Variants in NBL1 observed in about 807,000 individuals in gnomAD.
NBL1 encodes the protein neuroblastoma suppressor of tumorigenicity 1.
In NBL1, 9 loss-of-function variants were observed where a neutral mutation model predicts 16.0. The observed-to-expected ratio is 0.56, with a 90% CI of 0.34 to 0.98. The LOEUF (loss-of-function observed/expected upper bound fraction) is 0.98, where lower values mean the gene tolerates loss of function less well. Ranked by LOEUF, NBL1 falls within the 50% of genes least tolerant of loss-of-function variation. The pLI, the probability that NBL1 is intolerant of heterozygous loss-of-function variation, is 0.02. For synonymous variants in NBL1, 86 were observed against 100.7 expected (o/e 0.85, Z 0.87); for missense variants, 196 against 243.1 (o/e 0.81, Z 1.29).
chr1:19,651,435 C>T (rs1383955579), intron 1 of NBL1, among the ~76,000 whole-genome samples: 1 of 152,212 alleles, frequency 6.6e-6, no homozygotes, highest in Non-Finnish European at 1.5e-5. Context: ...TCTCATTTCT[C>T]CTAACCTCTG....
upstream of NBL1, chr1:19,643,337 C>G: frequency 6.2e-7 from 1 of 1,614,032 alleles, no homozygotes; most frequent in Non-Finnish European, 8.5e-7. This position sits in a 1 kb window ranked among gnomAD's most constrained non-coding sequence, Gnocchi z 4.7. Context: ...ATGAGTCAGA[C>G]AAGCAGGGCT....
chr1:19,656,358 G>T (rs2095056237), intron 3 of NBL1, among the ~76,000 whole-genome samples: 1 of 139,270 alleles, frequency 7.2e-6, no homozygotes, highest in African/African-American at 2.6e-5. Flanking sequence ...TCTGAGCTCA[G>T]ACCCAAAGGC....
chr1:19,644,115 C>T, upstream of NBL1: 1 of 973,766 alleles, frequency 1.0e-6, no homozygotes, highest in Non-Finnish European at 1.2e-6. This position sits in a 1 kb window ranked among gnomAD's most constrained non-coding sequence, Gnocchi z 4.6. Context: ...CAGCCCGGGG[C>T]GGGCGGGCCA....
In NBL1 at chr1:19,657,882, C is replaced by T. The variant is rs1259832810; in HGVS notation, c.*753C>T. On this transcript the variant is annotated 3_prime_UTR_variant, in exon 4 of 4. Coordinates refer to ENST00000375136, the MANE Select transcript of NBL1 (RefSeq NM_005380.8). ...GGGGGACAACCCCCCAAGACCATCC[C>T]TGAAGACGAGCATCCCCCTCCTCTC... 6.5e-5 allele frequency: 10 copies of T among 152,776 alleles called. No homozygotes were observed. Among genetic ancestry groups the T allele is most frequent in the Non-Finnish European group, 1.5e-4 (10 of 68,136 alleles). The allele number at this position is 152,776 out of a possible 1,614,324, so 9.5% of individuals were successfully genotyped here. A position where few individuals can be genotyped will look rare whatever the true frequency, so the allele number is the denominator to read the frequency against.
At chr1:19,643,967 C>G, upstream of NBL1, 1 of 985,606 alleles carries the variant, frequency 1.0e-6, no homozygotes, top group Non-Finnish European at 1.2e-6. The surrounding 1 kb of genome is among the most constrained non-coding windows in gnomAD (Gnocchi z 4.7). Context: ...AAAAGTCGGG[C>G]GGAGAGAGTG....
intron 1 of NBL1, chr1:19,645,960 C>T: frequency 1.3e-6 from 2 of 1,550,560 alleles, no homozygotes; most frequent in Non-Finnish European, 1.7e-6. Context: ...GATGTGCAGC[C>T]TGGCCCTGCA....
At position 19,648,648 on chromosome 1, in the gene NBL1, G is replaced by A. The variant is rs555368059; in HGVS notation, c.-20+4202G>A. Among the ~76,000 whole-genome samples the A allele has an allele frequency of 1.9e-3, 284 of 152,176 alleles. 3 individuals carry two copies. The highest frequency in any genetic ancestry group is 6.6e-3 in the African/African-American group (272 of 41,502). On this transcript the variant is annotated intron_variant, in intron 1 of 3. Coordinates refer to ENST00000375136, the MANE Select transcript of NBL1 (RefSeq NM_005380.8). ...CCTTGACCTGTGCCTCAGTTTCCAC[G>A]GTGCCAAAATGGGTCTGCTGTTGTC...
At chr1:19,650,565 T>C (rs1390080404) in intron 1 of NBL1, among the ~76,000 whole-genome samples, 1 of 152,096 alleles carries the variant, frequency 6.6e-6, no homozygotes, top group Non-Finnish European at 1.5e-5. Flanking sequence ...CTGGGGGCCT[T>C]GGGACAGCCC....
chr1:19,647,563 G>A (rs1264893674), intron 1 of NBL1: 16 of 980,264 alleles, frequency 1.6e-5, no homozygotes, highest in Non-Finnish European at 1.8e-5. Context: ...GAGGAAAGGT[G>A]GGAGAGGCAG....
At chr1:19,645,614 T>C (rs1483438781) in intron 1 of NBL1, 2 of 1,069,390 alleles carry the variant, frequency 1.9e-6, no homozygotes, top group Admixed American at 9.7e-5. Flanking sequence ...TACTGCGGAA[T>C]GGGGCCTCCC....
rs187792325 is a variant in NBL1, at chr1:19,653,672, C to T, written c.-19-1340C>T. 3.7e-4 allele frequency among the ~76,000 whole-genome samples: 57 copies of T among 152,352 alleles called. 1 individual carries two copies. The highest frequency in any genetic ancestry group is 1.2e-3 in the African/African-American group (50 of 41,582). On this transcript the variant is annotated intron_variant, in intron 1 of 3. Coordinates refer to ENST00000375136, the MANE Select transcript of NBL1 (RefSeq NM_005380.8). The stretch of plus-strand genomic sequence containing the variant: ...GAAACAGGTCTGAGTGTCCCGGTCA[C>T]CCAGCACACGTGGACCCATGCCCTT...
chr1:19,650,731 G>A (rs1273169103), intron 1 of NBL1, among the ~76,000 whole-genome samples: 1 of 151,008 alleles, frequency 6.6e-6, no homozygotes, highest in Non-Finnish European at 1.5e-5. Context: ...AAGTACGATC[G>A]CTGCTTAAAA....
intron 1 of NBL1, among the ~76,000 whole-genome samples, chr1:19,648,010 CTT>C (rs1390971355): frequency 6.6e-6 from 1 of 151,932 alleles, no homozygotes; most frequent in African/African-American, 2.4e-5. Context: ...GGTATGCCTG[CTT>C]TTGTGTGTGT....
At chr1:19,645,586 G>A (rs2094974155) in intron 1 of NBL1, 1 of 1,020,880 alleles carries the variant, frequency 9.8e-7, no homozygotes, top group East Asian at 9.1e-5. Flanking sequence ...TGTCAACAAG[G>A]AGCCCCTCAC....
chr1:19,643,818 G>A, upstream of NBL1: 1 of 994,630 alleles, frequency 1.0e-6, no homozygotes, highest in Non-Finnish European at 1.2e-6. This position sits in a 1 kb window ranked among gnomAD's most constrained non-coding sequence, Gnocchi z 4.7. Context: ...CCGCAGAACT[G>A]GGGACTCCTG....
At chr1:19,645,737 C>A in intron 1 of NBL1, 1 of 1,355,316 alleles carries the variant, frequency 7.4e-7, no homozygotes, top group East Asian at 3.0e-5. Context: ...TCCACCCACC[C>A]CTGCAAGCTG....
rs542653529 is a variant in NBL1, at chr1:19,656,681, G to C, written c.283-185G>C. On this transcript the variant is annotated intron_variant, in intron 3 of 3. Coordinates refer to ENST00000375136, the MANE Select transcript of NBL1 (RefSeq NM_005380.8). ...GGGAAGGTGGCAGGACTGGATGTGA[G>C]GAGACAGCTCTGGTGGCTTGTGCAG... Among the ~76,000 whole-genome samples the C allele has an allele frequency of 2.6e-5, 4 of 152,140 alleles. No individual in the cohort carries two copies. The South Asian group carries it at 8.3e-4, about 32-fold the overall frequency.
intron 1 of NBL1, chr1:19,645,341 G>C (rs1038021476): frequency 9.3e-5 from 92 of 985,542 alleles, no homozygotes; most frequent in Non-Finnish European, 1.1e-4. Flanking sequence ...CCACCTGCCC[G>C]GCCCGCTCCC....
At position 19,655,570 on chromosome 1, in the gene NBL1, G is replaced by T. The variant is rs534836507; in HGVS notation, c.282+135G>T. On this transcript the variant is annotated intron_variant, in intron 3 of 3. Transcript: ENST00000375136. ...GGCCCCACTGTGTGCAGGGTGAAGGGCTTGTGCTGGGGATACAAATGTGGG... is the reference window on the plus strand; with the variant it reads ...GGCCCCACTGTGTGCAGGGTGAAGGTCTTGTGCTGGGGATACAAATGTGGG... The T allele has an allele frequency of 1.2e-4, 122 of 1,013,434 alleles. 3 individuals are homozygous for T. In the South Asian group the frequency reaches 1.2e-3, roughly 10 times the overall value. 62.8% of individuals were successfully genotyped at this position (1,013,434 alleles called of 1,614,324 possible). A position where few individuals can be genotyped will look rare whatever the true frequency, so the allele number is the denominator to read the frequency against.
Sources: allele counts gnomAD v4.1 joint callset (sites outside exome capture counted in the v4.1 genomes callset), GRCh38; gene constraint gnomAD v4.1.1; non-coding constraint Gnocchi (gnomAD v3.1); transcripts MANE v1.5; gene names NCBI Gene and HGNC (gene_info 2026-07-23, HGNC 2026-07-21).